MSH3: variants seen among roughly 807,000 people sequenced by gnomAD.
The protein encoded by MSH3 is mutS homolog 3.
MSH3 carries 106 observed loss-of-function variants against 123.3 expected under a neutral mutation model. The ratio of observed to expected loss-of-function variants is 0.86; its 90% CI spans 0.73 to 1.01. The LOEUF (loss-of-function observed/expected upper bound fraction) is 1.01. MSH3 is among the 50% of genes least tolerant of loss of function. The probability of loss-of-function intolerance (pLI) is 0.00; values close to 1 mark genes in which losing one functional copy is unlikely to be tolerated. For missense variants in MSH3, 1,459 were observed against 1,347.6 expected (o/e 1.08, Z -1.29); for synonymous variants, 515 against 481.4 (o/e 1.07, Z -0.91).
At chr5:80,805,223 G>T (rs1744866357) in intron 19 of MSH3, among the ~76,000 whole-genome samples, 1 of 152,228 alleles carries the variant, frequency 6.6e-6, no homozygotes, top group South Asian at 2.1e-4. Context: ...TCTCAAAGTT[G>T]TAGCCTTGCT....
intron 19 of MSH3, among the ~76,000 whole-genome samples, chr5:80,809,523 A>G (rs1263731003): frequency 6.6e-6 from 1 of 152,144 alleles, no homozygotes; most frequent in East Asian, 1.9e-4. Context: ...TTTCTAAACT[A>G]CCGATTTAAA....
chr5:80,873,626 A>G (rs772154741), intron 23 of MSH3, among the ~76,000 whole-genome samples: 4 of 152,224 alleles, frequency 2.6e-5, no homozygotes, highest in Admixed American at 6.5e-5. Context: ...GATTTCTTTT[A>G]TTCATAGATT....
intron 13 of MSH3, among the ~76,000 whole-genome samples, chr5:80,766,528 A>G (rs1744127341): frequency 6.6e-6 from 1 of 151,792 alleles, no homozygotes; most frequent in East Asian, 1.9e-4. Context: ...TATTTTTAGT[A>G]GAGATGGGGT....
In MSH3 at chr5:80,654,859, C is replaced by T; in HGVS notation, c.132C>T (p.Ala44=). 1.2e-6 allele frequency: 2 copies of T among 1,600,198 alleles called. No homozygotes were observed. Among genetic ancestry groups the T allele is most frequent in the Non-Finnish European group, 1.7e-6 (2 of 1,175,492 alleles). Residue 44 remains alanine (A), a synonymous_variant, in exon 1 of 24, where the codon GCC becomes GCT. Coordinates refer to ENST00000265081, the MANE Select transcript of MSH3 (RefSeq NM_002439.5). ...LKSTSSSTGA[A]DQVDPGAAAA... ...CCACCTCCTCCTCCACAGGTGCAGC[C>T]GACCAGGTGGACCCTGGCGCTGCAG... is the stretch of plus-strand genomic sequence containing the variant.
At chr5:80,771,592 A>G (rs1288995811) in intron 15 of MSH3, among the ~76,000 whole-genome samples, 2 of 152,126 alleles carry the variant, frequency 1.3e-5, no homozygotes, top group African/African-American at 2.4e-5. Context: ...GGCAGGGTGG[A>G]AAACCCTTAT....
intron 19 of MSH3, among the ~76,000 whole-genome samples, chr5:80,801,961 A>G (rs1196189410): frequency 1.3e-5 from 2 of 152,180 alleles, no homozygotes; most frequent in Non-Finnish European, 2.9e-5. Context: ...CAAGGCTCTC[A>G]TAGAAATTGA....
intron 14 of MSH3, among the ~76,000 whole-genome samples, chr5:80,768,351 A>G (rs976805173): frequency 6.6e-6 from 1 of 152,138 alleles, no homozygotes; most frequent in African/African-American, 2.4e-5. Flanking sequence ...TCCCCCACAT[A>G]TCAGATGATG....
intron 2 of MSH3, 141 bp downstream of exon 2, chr5:80,656,672 C>T (rs1483963163): frequency 1.8e-6 from 2 of 1,089,102 alleles, no homozygotes; most frequent in African/African-American, 1.6e-5. Context: ...AGAGTGGCCC[C>T]CTATAGGTGA....
rs137924721 is a variant in MSH3, at chr5:80,662,010, A to G, written c.359-3133A>G. On this transcript the variant is annotated intron_variant, in intron 2 of 23. Transcript: ENST00000265081. ...CCACAATACAGAGACAGTAGACATT[A>G]GTAACATTAAGAATGTAAACACAGC... Among the ~76,000 whole-genome samples, 262 of 152,354 alleles carry G rather than the reference A, an allele frequency of 1.7e-3. 3 individuals are homozygous for G. Among genetic ancestry groups the G allele is most frequent in the African/African-American group, 6.0e-3 (249 of 41,576 alleles).
At chr5:80,670,057 G>A (rs746253597) in intron 3 of MSH3, 40 bp from the exon 4 acceptor site, 41 of 1,579,158 alleles carry the variant, frequency 2.6e-5, no homozygotes, top group Non-Finnish European at 3.4e-5. Flanking sequence ...TATTATTGTG[G>A]TTAATATTTT....
intron 1 of MSH3, among the ~76,000 whole-genome samples, chr5:80,656,140 C>T (rs1212254503): frequency 6.6e-6 from 1 of 152,180 alleles, no homozygotes; most frequent in Non-Finnish European, 1.5e-5. Flanking sequence ...GCTGAAGGCT[C>T]ATTGAATCAA....
intron 20 of MSH3, among the ~76,000 whole-genome samples, chr5:80,842,270 G>GAAGCTGAC (rs1745640597): frequency 3.3e-5 from 5 of 152,234 alleles, no homozygotes; most frequent in Admixed American, 1.3e-4. Flanking sequence ...CTATATATCT[G>GAAGCTGAC]TTTTGGTACC....
In MSH3 at chr5:80,672,908, T is replaced by C. The variant is rs573316612; in HGVS notation, c.1027+50T>C. 3.0e-5 allele frequency: 42 copies of C among 1,392,794 alleles called. No individual in the cohort carries two copies. The South Asian group carries it at 4.3e-4, about 14-fold the overall frequency. 86.3% of individuals were successfully genotyped at this position (1,392,794 alleles called of 1,614,324 possible). ...TCTCTTAAATGATACAAGGGCTTTGTTGGCAGGTTTTGTTTGTTTGTTTGT... is the reference window on the plus strand; with the variant it reads ...TCTCTTAAATGATACAAGGGCTTTGCTGGCAGGTTTTGTTTGTTTGTTTGT... On this transcript the variant is annotated intron_variant, in intron 6 of 23. Transcript: ENST00000265081.
chr5:80,778,732 G>A lies in MSH3; in HGVS notation c.2331G>A (p.Val777=). The part of the protein sequence containing the change: ...DWVKVGSTKA[V]SRFHSPFIVE... The stretch of plus-strand genomic sequence containing the variant: ...TCCCCTCTTCTAGCACAAAAGCTGT[G>A]AGCCGCTTTCACTCTCCTTTTATTG... Residue 777 remains valine, a synonymous_variant, in exon 17 of 24, where the codon GTG becomes GTA. Coordinates refer to ENST00000265081, the MANE Select transcript of MSH3 (RefSeq NM_002439.5). 1 of 1,607,076 alleles carries A rather than the reference G, an allele frequency of 6.2e-7. No individual in the cohort carries two copies. Among genetic ancestry groups the A allele is most frequent in the Non-Finnish European group, 8.5e-7 (1 of 1,173,682 alleles).
chr5:80,690,731 C>T (rs1369894538), intron 8 of MSH3, among the ~76,000 whole-genome samples: 1 of 152,088 alleles, frequency 6.6e-6, no homozygotes, highest in Non-Finnish European at 1.5e-5. Flanking sequence ...AACTGAAGCA[C>T]GTAGCAATAT....
chr5:80,856,164 C>T (rs376993868), intron 21 of MSH3, among the ~76,000 whole-genome samples: 3 of 152,226 alleles, frequency 2.0e-5, no homozygotes, highest in Admixed American at 2.0e-4. Flanking sequence ...GGATTATAGG[C>T]ATGAGTTACC....
At chr5:80,668,989 A>T (rs1650655) in intron 3 of MSH3, among the ~76,000 whole-genome samples, 41,984 of 151,946 alleles carry the variant, frequency 0.28, 5,973 homozygotes, top group Middle Eastern at 0.34. Context: ...GCGTTACGGC[A>T]GTGGCTGCTC....
At position 80,844,626 on chromosome 5, in the gene MSH3, T is replaced by C. The variant is rs567779268; in HGVS notation, c.2814-9504T>C. Among the ~76,000 whole-genome samples the C allele has an allele frequency of 2.0e-4, 30 of 152,370 alleles. No homozygotes were observed. In the South Asian group the frequency reaches 6.2e-3, roughly 32 times the overall value. On this transcript the variant is annotated intron_variant, in intron 20 of 23. Coordinates refer to ENST00000265081, the MANE Select transcript of MSH3 (RefSeq NM_002439.5). ...TATTTAGGATAGTTAAGTCTTCCTG[T>C]TGAATTGATCCCTTTACCACTGTGT...
At chr5:80,694,879 T>C (rs1005589497) in intron 8 of MSH3, among the ~76,000 whole-genome samples, 36 of 151,710 alleles carry the variant, frequency 2.4e-4, no homozygotes, top group Middle Eastern at 3.4e-3. Context: ...ATGATTTCTT[T>C]CTTGCTGCTG....
Sources: gnomAD v4.1 joint callset for allele counts (sites outside exome capture counted in the v4.1 genomes callset) on GRCh38, gnomAD v4.1.1 for gene constraint, MANE v1.5 for transcripts, NCBI Gene and HGNC (gene_info 2026-07-23, HGNC 2026-07-21) for gene names.